Variants in SALL2 observed in about 807,000 individuals in gnomAD.
SALL2 encodes the protein spalt like transcription factor 2.
Under a neutral mutation model 58.5 loss-of-function variants are expected in SALL2, and 32 were observed. That is an observed-to-expected ratio of 0.55 (90% CI 0.41 to 0.74). SALL2 has a LOEUF of 0.74. Among genes scored for constraint, SALL2 ranks in the 30% least tolerant of loss-of-function variants. The pLI is 0.00. For missense variants in SALL2, 1,201 were observed against 1,268.9 expected (o/e 0.95, Z 0.81); for synonymous variants, 516 against 513.6 (o/e 1.00, Z -0.06).
upstream of SALL2, among the ~76,000 whole-genome samples, chr14:21,530,268 T>C (rs961153954): frequency 1.1e-4 from 16 of 145,488 alleles, no homozygotes; most frequent in Non-Finnish European, 1.7e-4. Flanking sequence ...GCCATATTTC[T>C]TTTTTTTTCT....
intron 1 of SALL2, among the ~76,000 whole-genome samples, chr14:21,534,411 A>G (rs1456887860): frequency 6.6e-6 from 1 of 152,144 alleles, no homozygotes; most frequent in Admixed American, 6.5e-5. Flanking sequence ...ATTTTCATCA[A>G]AAATTTGTTG....
intron 1 of SALL2, among the ~76,000 whole-genome samples, chr14:21,532,639 CA>C (rs1315952943): frequency 6.6e-6 from 1 of 151,282 alleles, no homozygotes; most frequent in African/African-American, 2.4e-5. Context: ...GACTTGGTCT[CA>C]AAAAAAGAAA....
In SALL2 at chr14:21,523,666, G is replaced by A. The variant is rs776629347; in HGVS notation, c.2056C>T (p.Arg686Trp). ...CAGATGGGGCAGGAATTCTGTGCCC[G>A]GGCAGCTGGACTGGCCTTGTGGCCC... is the stretch of plus-strand genomic sequence containing the variant. The part of the protein sequence containing the change: ...FVGHKASPAA[R>W]AQNSCPICQK... Residue 686 changes from arginine (R) to tryptophan (W), a missense_variant, in exon 2 of 2, where the codon CGG becomes TGG. By Grantham distance (101) the Arg-to-Trp change is moderately radical. This residue lies in a region of SALL2 where 675 missense variants were observed against 683.8 expected (regional missense o/e 0.99). Coordinates refer to ENST00000537235, the MANE Select transcript of SALL2 (RefSeq NM_001364564.1). This position sits in a 1 kb window ranked among gnomAD's most constrained non-coding sequence, Gnocchi z 4.4. 13 of 1,614,100 alleles carry A rather than the reference G, an allele frequency of 8.1e-6. No individual in the cohort carries two copies. Among genetic ancestry groups the A allele is most frequent in the African/African-American group, 4.0e-5 (3 of 74,938 alleles).
In SALL2 at chr14:21,524,589, T is replaced by G; in HGVS notation, c.1133A>C (p.Lys378Thr). Residue 378 changes from lysine (K) to threonine (T), a missense_variant, in exon 2 of 2, where the codon AAA (lysine) becomes ACA (threonine). This residue lies in a region of SALL2 where 59 missense variants were observed against 116.2 expected (regional missense o/e 0.51). Coordinates refer to ENST00000537235, the MANE Select transcript of SALL2 (RefSeq NM_001364564.1). The stretch of plus-strand genomic sequence containing the variant: ...CAGGGCACTGTCACTGCCAAATACT[T>G]TGGCACAGAAGCGGCATTTGTGCCT... The part of the protein sequence containing the change: ...GGRHKCRFCA[K>T]VFGSDSALQI... 1 of 1,614,178 alleles carries G rather than the reference T, an allele frequency of 6.2e-7. No individual in the cohort carries two copies. Among genetic ancestry groups the G allele is most frequent in the Non-Finnish European group, 8.5e-7 (1 of 1,180,030 alleles).
intron 1 of SALL2, among the ~76,000 whole-genome samples, chr14:21,532,902 G>A (rs942938901): frequency 3.3e-5 from 5 of 151,320 alleles, no homozygotes; most frequent in South Asian, 2.1e-4. Flanking sequence ...GGCGGAGCTC[G>A]CAGTGAGCCA....
At chr14:21,531,983 G>C (rs909723189) in intron 1 of SALL2, among the ~76,000 whole-genome samples, 1 of 152,090 alleles carries the variant, frequency 6.6e-6, no homozygotes, top group Non-Finnish European at 1.5e-5. Context: ...GCCCACCTCA[G>C]CCTCCCAAAG....
chr14:21,533,561 C>T (rs1892518552), intron 1 of SALL2, among the ~76,000 whole-genome samples: 1 of 151,234 alleles, frequency 6.6e-6, no homozygotes, highest in South Asian at 2.1e-4. Context: ...TTTGTGTTCT[C>T]TAATCCAGAT....
In SALL2 at chr14:21,526,317, G is replaced by C. The variant is rs1892310903; in HGVS notation, c.-190C>G. On this transcript the variant is annotated 5_prime_UTR_variant, in exon 1 of 2. Coordinates refer to ENST00000537235, the MANE Select transcript of SALL2 (RefSeq NM_001364564.1). The stretch of plus-strand genomic sequence containing the variant: ...GGGAGCGAGGAGGCGGGGAGAAGCT[G>C]GAGTGAGAAAGCGGGGAGAGGGGAG... The C allele has an allele frequency of 1.4e-6, 2 of 1,434,274 alleles. No homozygotes were observed. The highest frequency in any genetic ancestry group is 2.9e-5 in the African/African-American group (2 of 69,462). The allele number at this position is 1,434,274 out of a possible 1,614,324, so 88.8% of individuals were successfully genotyped here.
Position 21,526,268 on chromosome 14 carries a change from C to A in SALL2, c.-141G>T. The A allele has an allele frequency of 7.0e-7, 1 of 1,421,820 alleles. No homozygotes were observed. Among genetic ancestry groups the A allele is most frequent in the East Asian group, 2.6e-5 (1 of 38,608 alleles). 88.1% of individuals were successfully genotyped at this position (1,421,820 alleles called of 1,614,324 possible). A position where few individuals can be genotyped will look rare whatever the true frequency, so the allele number is the denominator to read the frequency against. ...AGATGGAGATCGGCAGCGGCGGGGGCAGGGAGCAGCGGCGGAGGGGGAGGG... is the reference window on the plus strand; with the variant it reads ...AGATGGAGATCGGCAGCGGCGGGGGAAGGGAGCAGCGGCGGAGGGGGAGGG... On this transcript the variant is annotated 5_prime_UTR_variant, in exon 1 of 2. Transcript: ENST00000537235.
At position 21,524,736 on chromosome 14, in the gene SALL2, T is replaced by G; in HGVS notation, c.986A>C (p.Gln329Pro). The change falls in exon 2 of 2, where the codon CAG (glutamine) becomes CCG (proline). Residue 329 changes from glutamine to proline, a missense_variant. This residue lies in a region of SALL2 where 467 missense variants were observed against 468.9 expected (regional missense o/e 1.00). Transcript: ENST00000537235. ...FPSTTGLLAA[Q>P]CLGAARGLEA... Reference sequence around the variant, plus strand: ...AAGGCCTCGGGCTGCCCCAAGACACTGTGCTGCCAGTAGTCCCGTGGTGCT... The same window carrying G: ...AAGGCCTCGGGCTGCCCCAAGACACGGTGCTGCCAGTAGTCCCGTGGTGCT... 2 of 1,611,690 alleles carry G rather than the reference T, an allele frequency of 1.2e-6. No individual in the cohort carries two copies. The highest frequency in any genetic ancestry group is 1.7e-6 in the Non-Finnish European group (2 of 1,178,808).
In SALL2 at chr14:21,522,384, CAAAGGG is replaced by C; in HGVS notation, c.*314_*319del. 2.8e-6 allele frequency: 4 copies of C among 1,425,688 alleles called. No homozygotes were observed. Among genetic ancestry groups the C allele is most frequent in the South Asian group, 1.5e-5 (1 of 64,596 alleles). 88.3% of individuals were successfully genotyped at this position (1,425,688 alleles called of 1,614,324 possible). ...AATGTAGGTGCTCAGGTGCACCTAC[CAAAGGG>C]AAAGGGAGAGGAGAGAGGAGGGGGA... On this transcript the variant is annotated 3_prime_UTR_variant, in exon 2 of 2. Transcript: ENST00000537235.
chr14:21,522,179 G>A lies in SALL2; in HGVS notation c.*525C>T, dbSNP rs763071984. 12 of 1,597,760 alleles carry A rather than the reference G, an allele frequency of 7.5e-6. No homozygotes were observed. The South Asian group carries it at 1.3e-4, about 18-fold the overall frequency. On this transcript the variant is annotated 3_prime_UTR_variant, in exon 2 of 2. Coordinates refer to ENST00000537235, the MANE Select transcript of SALL2 (RefSeq NM_001364564.1). ...GTGGGGCCAGGCTTGGAGTGGTAGT[G>A]GAGGTGGAGCTGGAATTCCAGGGCT...
intron 1 of SALL2, 60 bp downstream of exon 1, chr14:21,526,001 C>CGGGGGGGGGGGGGGGGG: frequency 1.2e-5 from 17 of 1,389,758 alleles, no homozygotes; most frequent in Non-Finnish European, 1.5e-5. Flanking sequence ...AAAGTCTTCG[C>CGGGGGGGGGGGGGGGGG]CGCCCCTGCG....
At chr14:21,527,341 C>G (rs998576872), upstream of SALL2, among the ~76,000 whole-genome samples, 1 of 152,338 alleles carries the variant, frequency 6.6e-6, no homozygotes, top group Middle Eastern at 3.4e-3. Flanking sequence ...GCCTCCTATT[C>G]AGACAGGATA....
At chr14:21,536,399 CT>C (rs1474260552) in intron 1 of SALL2, among the ~76,000 whole-genome samples, 2 of 152,206 alleles carry the variant, frequency 1.3e-5, no homozygotes, top group East Asian at 3.9e-4. Flanking sequence ...CAATGAGAAA[CT>C]TTTTTCTCGT....
Position 21,523,597 on chromosome 14 carries a change from G to T in SALL2, c.2125C>A (p.Arg709=), listed in dbSNP as rs532455614. The T allele has an allele frequency of 2.5e-6, 4 of 1,614,104 alleles. No homozygotes were observed. The highest frequency in any genetic ancestry group is 3.4e-6 in the Non-Finnish European group (4 of 1,180,052). The change falls in exon 2 of 2, where the codon CGG becomes AGG. Residue 709 remains arginine (R), a synonymous_variant. Coordinates refer to ENST00000537235, the MANE Select transcript of SALL2 (RefSeq NM_001364564.1). The surrounding 1 kb of genome is among the most constrained non-coding windows in gnomAD (Gnocchi z 4.4). ...GGGATCTGGCCCCCCAGGTGCATCC[G>T]GACATGCTGCTGCAGAGTGACAGCA... ...TNAVTLQQHV[R]MHLGGQIPNG...
rs1253520613 is a variant in SALL2 at position 21,521,715 on chromosome 14, T to TA, written c.*988dup. Reference sequence around the variant, plus strand: ...AACCATGCTGACCAAAAATGCTCCTTAAAGATACGAACTTCACATTTCCCA... The same window carrying TA: ...AACCATGCTGACCAAAAATGCTCCTTAAAAGATACGAACTTCACATTTCCCA... On this transcript the variant is annotated 3_prime_UTR_variant, in exon 2 of 2. Transcript: ENST00000537235. 3 of 347,826 alleles carry TA rather than the reference T, an allele frequency of 8.6e-6. No homozygotes were observed. The Admixed American group carries it at 1.2e-4, about 14-fold the overall frequency. 21.5% of individuals were successfully genotyped at this position (347,826 alleles called of 1,614,324 possible). A position where few individuals can be genotyped will look rare whatever the true frequency, so the allele number is the denominator to read the frequency against.
rs369245096 is a variant in SALL2 at position 21,525,375 on chromosome 14, C to T, written c.347G>A (p.Gly116Glu). 1.7e-5 allele frequency: 28 copies of T among 1,613,996 alleles called. No individual in the cohort carries two copies. The highest frequency in any genetic ancestry group is 2.7e-5 in the African/African-American group (2 of 74,902). Residue 116 changes from glycine (G) to glutamate (E), a missense_variant, in exon 2 of 2, where the codon GGA becomes GAA. By Grantham distance (98) the Gly-to-Glu change is moderately conservative (BLOSUM62 -2). Transcript: ENST00000537235. The surrounding 1 kb of genome is among the most constrained non-coding windows in gnomAD (Gnocchi z 4.4). The stretch of plus-strand genomic sequence containing the variant: ...CAGGAAATGCCCTGAAGACTCCTCT[C>T]CTCTCCTCTCTGGGCCCCAGGTGGG... ...TDPTWGPERR[G>E]EESSGHFLVA...
rs772068297 is a variant in SALL2 at position 21,524,144 on chromosome 14, G to T, written c.1578C>A (p.Pro526=). ...TGATGGCTGAGCCCTCACTCCCTGG[G>T]GGGGTGTTTTCATCAGCTTTATTCT... ...EPKNKADENT[P]PGSEGSAISG... is the part of the protein sequence containing the mutation. The change falls in exon 2 of 2, where the codon CCC becomes CCA. Residue 526 remains proline, a synonymous_variant. Transcript: ENST00000537235. 2 of 1,612,960 alleles carry T rather than the reference G, an allele frequency of 1.2e-6. No individual in the cohort carries two copies. Among genetic ancestry groups the T allele is most frequent in the South Asian group, 1.1e-5 (1 of 90,880 alleles).
Sources: allele counts gnomAD v4.1 joint callset (sites outside exome capture counted in the v4.1 genomes callset), GRCh38; gene constraint gnomAD v4.1.1; regional missense constraint gnomAD v4.1.1; non-coding constraint Gnocchi (gnomAD v3.1); transcripts MANE v1.5; gene names NCBI Gene and HGNC (gene_info 2026-07-23, HGNC 2026-07-21).